Variants in CADPS2 observed in about 807,000 individuals in gnomAD.
CADPS2 encodes the protein calcium-dependent secretion activator 2.
Under a neutral mutation model 172.5 loss-of-function variants are expected in CADPS2, and 93 were observed. The observed-to-expected ratio is 0.54, with a 90% CI of 0.46 to 0.64. CADPS2 has a LOEUF of 0.64. Ranked by LOEUF, CADPS2 falls within the 30% of genes least tolerant of loss-of-function variation. CADPS2 has a pLI of 0.00. For synonymous variants in CADPS2, 546 were observed against 555.2 expected, an observed-to-expected ratio of 0.98 and a Z score of 0.23; for missense variants, 1,420 against 1,565.9, an observed-to-expected ratio of 0.91 and a Z score of 1.57.
chr7:122,487,459 T>C (rs1235268820), intron 11 of CADPS2, among the ~76,000 whole-genome samples: 2 of 151,942 alleles, frequency 1.3e-5, no homozygotes, highest in African/African-American at 4.8e-5. Context: ...AATAAGAAAA[T>C]AGCCTAATTA....
rs1201200394 is a variant in CADPS2 at position 122,438,400 on chromosome 7, C to T, written c.2417G>A (p.Cys806Tyr). ...AEEVKKVVRK[C>Y]LEKAALINYT... is the part of the protein sequence containing the mutation. Reference sequence around the variant, plus strand: ...ATTGATCAAGGCAGCTTTCTCGAGACATTTTCTGACCACTTTCTTCACCTC... The same window carrying T: ...ATTGATCAAGGCAGCTTTCTCGAGATATTTTCTGACCACTTTCTTCACCTC... The change falls in exon 17 of 30, where the codon TGT becomes TAT. Residue 806 changes from cysteine (C) to tyrosine (Y), a missense_variant. Cys to Tyr is a radical substitution (Grantham distance 194, BLOSUM62 -2). Transcript: ENST00000449022. 6.2e-7 allele frequency: 1 copy of T among 1,613,174 alleles called. No homozygotes were observed. The highest frequency in any genetic ancestry group is 8.5e-7 in the Non-Finnish European group (1 of 1,179,404).
Position 122,438,545 on chromosome 7 carries a change from A to G in CADPS2, c.2353-81T>C. The stretch of plus-strand genomic sequence containing the variant: ...AGAAAAAAGACAGATGTTGCATAAA[A>G]TAAATACTAAAGACAAATTACACAA... On this transcript the variant is annotated intron_variant, in intron 16 of 29. Coordinates refer to ENST00000449022, the MANE Select transcript of CADPS2 (RefSeq NM_017954.11). The G allele has an allele frequency of 3.4e-6, 5 of 1,468,280 alleles. No individual in the cohort carries two copies. In the South Asian group the frequency reaches 6.1e-5, roughly 18 times the overall value. 91.0% of individuals were successfully genotyped at this position (1,468,280 alleles called of 1,614,324 possible). A position where few individuals can be genotyped will look rare whatever the true frequency, so the allele number is the denominator to read the frequency against.
intron 15 of CADPS2, among the ~76,000 whole-genome samples, chr7:122,445,921 G>A (rs780974452): frequency 3.7e-4 from 56 of 152,306 alleles, no homozygotes; most frequent in Non-Finnish European, 6.0e-4. Flanking sequence ...TGCAAATAAA[G>A]ATAGTTTTGC....
At chr7:122,438,534 T>C in intron 16 of CADPS2, 70 bp from the exon 17 acceptor site, 3 of 1,527,348 alleles carry the variant, frequency 2.0e-6, no homozygotes, top group Middle Eastern at 1.7e-4. Context: ...AAAAGACAGA[T>C]GTTGCATAAA....
At chr7:122,469,502 C>T (rs1243840650) in intron 14 of CADPS2, among the ~76,000 whole-genome samples, 1 of 152,132 alleles carries the variant, frequency 6.6e-6, no homozygotes, top group African/African-American at 2.4e-5. Context: ...CCTGACTGAC[C>T]CCTGTACCCC....
At chr7:122,597,465 G>A (rs1359126329) in intron 6 of CADPS2, among the ~76,000 whole-genome samples, 2 of 152,060 alleles carry the variant, frequency 1.3e-5, no homozygotes, top group South Asian at 2.1e-4. Flanking sequence ...GTATTAGCAG[G>A]TGGGACCTCT....
chr7:122,802,937 T>C (rs1326227596), intron 1 of CADPS2, among the ~76,000 whole-genome samples: 5 of 152,338 alleles, frequency 3.3e-5, no homozygotes, highest in Middle Eastern at 6.8e-3. Context: ...ATGCACATAA[T>C]ACAACAATTA....
Position 122,441,544 on chromosome 7 carries a change from C to A in CADPS2, c.2320G>T (p.Ala774Ser), listed in dbSNP as rs1442405203. The change falls in exon 16 of 30, where the codon GCT (alanine) becomes TCT (serine). Residue 774 changes from alanine (A) to serine (S), a missense_variant. Ala to Ser is a moderately conservative substitution (Grantham distance 99). Coordinates refer to ENST00000449022, the MANE Select transcript of CADPS2 (RefSeq NM_017954.11). ...YCFPFGRPEG[A>S]LKATLSLLER... The stretch of plus-strand genomic sequence containing the variant: ...AGTAATGAAAGTGTAGCTTTTAGAG[C>A]ACCTTCAGGTCGTCCAAAGGGAAAA... 2 of 1,535,436 alleles carry A rather than the reference C, an allele frequency of 1.3e-6. No individual in the cohort carries two copies. The highest frequency in any genetic ancestry group is 2.1e-5 in the Admixed American group (1 of 46,784).
intron 1 of CADPS2, among the ~76,000 whole-genome samples, chr7:122,881,723 T>TG (rs1822982214): frequency 1.3e-5 from 2 of 152,174 alleles, no homozygotes; most frequent in African/African-American, 4.8e-5. Context: ...AACTTGTCTC[T>TG]GGGGCTTGCT....
At chr7:122,721,727 A>T (rs1016103299) in intron 2 of CADPS2, among the ~76,000 whole-genome samples, 1 of 152,116 alleles carries the variant, frequency 6.6e-6, no homozygotes, top group Non-Finnish European at 1.5e-5. Context: ...CCTGGCAGAG[A>T]CACAACAAAA....
chr7:122,412,822 G>A (rs2047464231), intron 19 of CADPS2: 1 of 152,166 alleles, frequency 6.6e-6, no homozygotes, highest in Admixed American at 6.6e-5. Flanking sequence ...AGAGTCCTTG[G>A]AGATATACCA....
intron 8 of CADPS2, among the ~76,000 whole-genome samples, chr7:122,537,293 A>C (rs7795454): frequency 0.028 from 4,307 of 151,812 alleles, 81 homozygotes; most frequent in South Asian, 0.056. Context: ...CAAAAAAAAA[A>C]CAAACAAACA....
chr7:122,386,323 T>C, intron 24 of CADPS2: 2 of 1,416,232 alleles, frequency 1.4e-6, no homozygotes, highest in African/African-American at 1.5e-5. Context: ...GATCATGCCA[T>C]GGGTGGAAAA....
chr7:122,446,688 T>C (rs775349259), intron 15 of CADPS2, among the ~76,000 whole-genome samples: 2 of 152,148 alleles, frequency 1.3e-5, no homozygotes, highest in African/African-American at 4.8e-5. Flanking sequence ...CATTTGCAAA[T>C]AGCTGTAGCT....
At chr7:122,738,852 G>GAA (rs1415999693) in intron 1 of CADPS2, among the ~76,000 whole-genome samples, 33 of 117,180 alleles carry the variant, frequency 2.8e-4, no homozygotes, top group African/African-American at 9.4e-4. Flanking sequence ...ACCCAGGGGG[G>GAA]GAAAAAAAAA....
intron 25 of CADPS2, among the ~76,000 whole-genome samples, chr7:122,370,523 C>T (rs1028976272): frequency 6.6e-6 from 1 of 152,142 alleles, no homozygotes; most frequent in Non-Finnish European, 1.5e-5. Context: ...TCCAGATTTA[C>T]TTTCATCTAC....
At chr7:122,701,455 G>A (rs1357324696) in intron 2 of CADPS2, among the ~76,000 whole-genome samples, 2 of 152,242 alleles carry the variant, frequency 1.3e-5, no homozygotes, top group South Asian at 2.1e-4. Flanking sequence ...TGGGGGAAGC[G>A]GGGAGGGATA....
rs1321086481 is a variant in CADPS2 at position 122,666,944 on chromosome 7, C to G, written c.454-3375G>C. ...CTACTCTGCCATGCAGTAAGACACA[C>G]CTACTCCAGTGAGGTCTGGATCCCA... On this transcript the variant is annotated intron_variant, in intron 2 of 29. Coordinates refer to ENST00000449022, the MANE Select transcript of CADPS2 (RefSeq NM_017954.11). Among the ~76,000 whole-genome samples, 9 of 152,324 alleles carry G rather than the reference C, an allele frequency of 5.9e-5. No individual in the cohort carries two copies. In the South Asian group the frequency reaches 1.9e-3, roughly 32 times the overall value.
chr7:122,484,993 A>G (rs1191315168), intron 11 of CADPS2, among the ~76,000 whole-genome samples: 1 of 152,160 alleles, frequency 6.6e-6, no homozygotes, highest in African/African-American at 2.4e-5. Flanking sequence ...TCATCTGTGG[A>G]AAGTGATCTT....
Sources: allele counts gnomAD v4.1 joint callset (sites outside exome capture counted in the v4.1 genomes callset), GRCh38; gene constraint gnomAD v4.1.1; transcripts MANE v1.5; gene names NCBI Gene and HGNC (gene_info 2026-07-23, HGNC 2026-07-21).